P4HA3: variants seen among roughly 807,000 people sequenced by gnomAD.
The protein encoded by P4HA3 is prolyl 4-hydroxylase subunit alpha 3.
Under a neutral mutation model 66.7 loss-of-function variants are expected in P4HA3, and 60 were observed. That is an observed-to-expected ratio of 0.90 (90% confidence interval 0.73 to 1.12). The LOEUF is 1.12. Among genes scored for constraint, P4HA3 ranks in the 50% most tolerant of loss-of-function variants. The probability of loss-of-function intolerance (pLI) is 0.00; values close to 1 mark genes in which losing one functional copy is unlikely to be tolerated. For missense variants in P4HA3, 683 were observed against 685.8 expected (o/e 1.00, Z 0.05); for synonymous variants, 263 against 274.6 (o/e 0.96, Z 0.42).
intron 2 of P4HA3, among the ~76,000 whole-genome samples, chr11:74,303,093 A>G (rs1408292427): frequency 6.6e-6 from 1 of 152,060 alleles, no homozygotes; most frequent in Non-Finnish European, 1.5e-5. Flanking sequence ...GCAGGACTTC[A>G]GGCACACGCC....
intron 5 of P4HA3, chr11:74,287,167 C>A (rs1442816347): frequency 5.5e-6 from 7 of 1,263,838 alleles, no homozygotes; most frequent in Non-Finnish European, 7.2e-6. Flanking sequence ...GCAGAGCTAC[C>A]CGTGGCCTGC....
At position 74,304,426 on chromosome 11, in the gene P4HA3, G is replaced by A. The variant is rs1861514888; in HGVS notation, c.201-14C>T. On this transcript the variant is annotated splice_polypyrimidine_tract_variant and intron_variant, in intron 1 of 12. Transcript: ENST00000331597. ...TTGTCGTAGAATCTGAAAGAAAGGA[G>A]TAGAATGATCTCACCTCCTGATACA... 1.2e-6 allele frequency: 2 copies of A among 1,613,834 alleles called. No individual in the cohort carries two copies. The highest frequency in any genetic ancestry group is 1.1e-5 in the South Asian group (1 of 91,064).
intron 5 of P4HA3, 72 bp downstream of exon 5, chr11:74,289,006 TA>T (rs1860904383): frequency 8.9e-7 from 1 of 1,123,070 alleles, no homozygotes; most frequent in African/African-American, 1.7e-5. Context: ...TTGCAGGAAT[TA>T]AAGGCCAGGA....
chr11:74,301,992 T>C (rs1414469703), intron 3 of P4HA3, among the ~76,000 whole-genome samples: 1 of 152,280 alleles, frequency 6.6e-6, no homozygotes, highest in South Asian at 2.1e-4. Context: ...GTTCATGCAC[T>C]GGCAGGGTGC....
chr11:74,289,220 T>TAA, intron 4 of P4HA3, 90 bp from the exon 5 acceptor site: 1 of 880,856 alleles, frequency 1.1e-6, no homozygotes, highest in Admixed American at 4.1e-5. Context: ...AAAAAAAAGA[T>TAA]AAAATATTCT....
rs779616121 is a variant in P4HA3, at chr11:74,285,936, G to T, written c.983C>A (p.Ser328Tyr). Residue 328 changes from serine (S) to tyrosine (Y), a missense_variant, in exon 7 of 13, where the codon TCC becomes TAC. Transcript: ENST00000331597. ...PSLYCSYETN[S>Y]NAYLLLQPIR... ...GGGCTGGAGCAGCAGGTAGGCGTTGGAATTGGTCTCATAGGAACAGTAGAG... is the reference window on the plus strand; with the variant it reads ...GGGCTGGAGCAGCAGGTAGGCGTTGTAATTGGTCTCATAGGAACAGTAGAG... 5 of 1,611,568 alleles carry T rather than the reference G, an allele frequency of 3.1e-6. No homozygotes were observed. The African/African-American group carries it at 6.7e-5, about 21-fold the overall frequency.
At chr11:74,281,152 T>A (rs982542647) in intron 7 of P4HA3, among the ~76,000 whole-genome samples, 2 of 152,080 alleles carry the variant, frequency 1.3e-5, no homozygotes, top group Non-Finnish European at 2.9e-5. Flanking sequence ...ATCAGAGAAA[T>A]GCAAATCAAA....
At chr11:74,264,205 T>TCTAC (rs113726414), downstream of P4HA3, among the ~76,000 whole-genome samples, 6,276 of 152,236 alleles carry the variant, frequency 0.041, 139 homozygotes, top group Middle Eastern at 0.11. Flanking sequence ...CAGTCCCAGC[T>TCTAC]CATGAAGCCC....
chr11:74,270,588 C>G (rs895519950), intron 10 of P4HA3, among the ~76,000 whole-genome samples: 1 of 152,198 alleles, frequency 6.6e-6, no homozygotes, highest in African/African-American at 2.4e-5. Context: ...AAAAGTTACA[C>G]TATGTCCTTG....
downstream of P4HA3, among the ~76,000 whole-genome samples, chr11:74,266,136 C>G (rs1347806363): frequency 6.6e-6 from 1 of 151,898 alleles, no homozygotes; most frequent in Non-Finnish European, 1.5e-5. Flanking sequence ...TGGTGATGGG[C>G]ATGGTGGTGA....
At chr11:74,282,798 A>G (rs1860650875) in intron 7 of P4HA3, among the ~76,000 whole-genome samples, 1 of 152,238 alleles carries the variant, frequency 6.6e-6, no homozygotes, top group Non-Finnish European at 1.5e-5. Flanking sequence ...CATAAATGGC[A>G]GAATACATTT....
intron 1 of P4HA3, among the ~76,000 whole-genome samples, chr11:74,307,627 T>C (rs978015288): frequency 2.0e-5 from 3 of 152,244 alleles, no homozygotes; most frequent in African/African-American, 7.2e-5. Flanking sequence ...TTCCAGAGAC[T>C]GGAAACTGAG....
chr11:74,284,167 G>C (rs1319629902), intron 7 of P4HA3, among the ~76,000 whole-genome samples: 1 of 152,212 alleles, frequency 6.6e-6, no homozygotes, highest in Non-Finnish European at 1.5e-5. Flanking sequence ...CATGCTTATA[G>C]AGGTGCATTT....
At chr11:74,265,943 A>G (rs1357790095), downstream of P4HA3, among the ~76,000 whole-genome samples, 5 of 152,252 alleles carry the variant, frequency 3.3e-5, no homozygotes, top group Admixed American at 1.3e-4. Flanking sequence ...AATCCTGATA[A>G]GTGTTATGAA....
In P4HA3 at chr11:74,277,126, A is replaced by G; in HGVS notation, c.1194T>C (p.Thr398=). The G allele has an allele frequency of 1.9e-6, 3 of 1,613,900 alleles. No individual in the cohort carries two copies. The highest frequency in any genetic ancestry group is 2.5e-6 in the Non-Finnish European group (3 of 1,179,862). ...TGAGGGTCACCAGTTTTGGGTCAAC[A>G]GTGTCCTTCAGCCAGGCACTAAAAC... ...RISKSAWLKD[T]VDPKLVTLNH... is the part of the protein sequence containing the mutation. The change falls in exon 9 of 13, where the codon ACT becomes ACC. Residue 398 remains threonine (T), a synonymous_variant. Coordinates refer to ENST00000331597, the MANE Select transcript of P4HA3 (RefSeq NM_182904.5).
chr11:74,285,399 C>T (rs1401148044), intron 7 of P4HA3: 3 of 153,126 alleles, frequency 2.0e-5, no homozygotes, highest in African/African-American at 7.2e-5. Flanking sequence ...CTTTTCCCCA[C>T]CTCTACCAAT....
chr11:74,309,322 G>A (rs547531686), intron 1 of P4HA3, among the ~76,000 whole-genome samples: 1 of 152,308 alleles, frequency 6.6e-6, no homozygotes, highest in Non-Finnish European at 1.5e-5. Flanking sequence ...GTTTGTATGA[G>A]ACCTCCTGCT....
downstream of P4HA3, among the ~76,000 whole-genome samples, chr11:74,262,669 T>C (rs1859926485): frequency 6.6e-6 from 1 of 152,160 alleles, no homozygotes; most frequent in Non-Finnish European, 1.5e-5. Flanking sequence ...TAGGCACATA[T>C]GTTTGTTTCC....
At chr11:74,274,351 G>T (rs971374283) in intron 9 of P4HA3, among the ~76,000 whole-genome samples, 1 of 150,504 alleles carries the variant, frequency 6.6e-6, no homozygotes, top group Non-Finnish European at 1.5e-5. Flanking sequence ...TGTTGCCCAG[G>T]CTGGAGTGCA....
Sources: allele counts gnomAD v4.1 joint callset (sites outside exome capture counted in the v4.1 genomes callset), GRCh38; gene constraint gnomAD v4.1.1; transcripts MANE v1.5; gene names NCBI Gene and HGNC (gene_info 2026-07-23, HGNC 2026-07-21).